Variants in HTR3B observed in about 807,000 individuals in gnomAD.
The protein encoded by HTR3B is 5-hydroxytryptamine receptor 3B, also known as 5-hydroxytryptamine (serotonin) receptor 3B, ionotropic.
In HTR3B, 44 loss-of-function variants were observed where a neutral mutation model predicts 42.8. That is an observed-to-expected ratio of 1.03 (90% CI 0.81 to 1.32). The LOEUF (loss-of-function observed/expected upper bound fraction) is 1.32, where lower values mean the gene tolerates loss of function less well. HTR3B is among the 40% of genes most tolerant of loss of function. HTR3B has a pLI of 0.00. For synonymous variants in HTR3B, 203 were observed against 209.0 expected, an observed-to-expected ratio of 0.97 and a Z score of 0.25; for missense variants, 527 against 536.5, an observed-to-expected ratio of 0.98 and a Z score of 0.17.
Position 113,946,128 on chromosome 11 carries a change from C to T in HTR3B, c.1317C>T (p.Gly439=), listed in dbSNP as rs151164355. Residue 439 remains glycine (G), a synonymous_variant, in exon 9 of 9, where the codon GGC becomes GGT. Coordinates refer to ENST00000260191, the MANE Select transcript of HTR3B (RefSeq NM_006028.5). ...TGTGCTCCCTCTGGGCACTGTGGGG[C>T]GGCGTGTGAAGACTGAAGTGTTCTT... The part of the protein sequence containing the change: ...ITLCSLWALW[G]GV The T allele has an allele frequency of 7.4e-4, 1,188 of 1,611,234 alleles. 14 individuals carry two copies. In the South Asian group the frequency reaches 0.012, roughly 16 times the overall value.
chr11:113,940,250 T>C (rs1303278718), intron 6 of HTR3B, among the ~76,000 whole-genome samples: 5 of 152,164 alleles, frequency 3.3e-5, no homozygotes, highest in Non-Finnish European at 5.9e-5. Flanking sequence ...GTACTTTGCT[T>C]ATGTTTTTCT....
chr11:113,918,268 C>CATGT (rs1555108081), intron 2 of HTR3B, among the ~76,000 whole-genome samples: 2 of 146,870 alleles, frequency 1.4e-5, no homozygotes, highest in African/African-American at 2.5e-5. Flanking sequence ...TGTGTGTACT[C>CATGT]GTGTGTGTGT....
intron 6 of HTR3B, among the ~76,000 whole-genome samples, chr11:113,936,538 A>G (rs1364680589): frequency 1.3e-5 from 2 of 152,162 alleles, no homozygotes; most frequent in Admixed American, 1.3e-4. Context: ...AAGTGCTAGC[A>G]GATCATATGA....
chr11:113,931,944 C>T (rs963327624), intron 4 of HTR3B, 77 bp downstream of exon 4: 5 of 854,462 alleles, frequency 5.9e-6, no homozygotes, highest in Non-Finnish European at 1.0e-5. Flanking sequence ...TACTTTCAGT[C>T]AGTGTTGCTC....
chr11:113,926,589 C>T (rs749581219), intron 2 of HTR3B, among the ~76,000 whole-genome samples: 2 of 150,502 alleles, frequency 1.3e-5, no homozygotes, highest in Non-Finnish European at 2.9e-5. Context: ...AATGCAGTGG[C>T]ACGATCTTGG....
At chr11:113,926,368 C>T (rs930854439) in intron 2 of HTR3B, among the ~76,000 whole-genome samples, 1 of 151,888 alleles carries the variant, frequency 6.6e-6, no homozygotes, top group Non-Finnish European at 1.5e-5. Flanking sequence ...CTTCAGTTCT[C>T]GTGGTTATAT....
At chr11:113,929,891 C>T (rs1226348046) in intron 2 of HTR3B, among the ~76,000 whole-genome samples, 1 of 152,120 alleles carries the variant, frequency 6.6e-6, no homozygotes, top group Non-Finnish European at 1.5e-5. Context: ...CACGACCACG[C>T]CCGGCTAATT....
At chr11:113,919,690 T>C (rs549109698) in intron 2 of HTR3B, among the ~76,000 whole-genome samples, 14 of 151,838 alleles carry the variant, frequency 9.2e-5, no homozygotes, top group Non-Finnish European at 1.5e-4. Context: ...TAGCCGGGCA[T>C]GGTGGCACAT....
chr11:113,903,728 T>TAA (rs1949712815), upstream of HTR3B, among the ~76,000 whole-genome samples: 2 of 152,310 alleles, frequency 1.3e-5, no homozygotes, highest in South Asian at 4.1e-4. Context: ...ACGCCCAGCT[T>TAA]ATTTGCAATT....
intron 6 of HTR3B, among the ~76,000 whole-genome samples, chr11:113,938,659 CA>C (rs1276041688): frequency 2.0e-5 from 3 of 152,012 alleles, no homozygotes; most frequent in African/African-American, 7.2e-5. Context: ...ATAATAAAAA[CA>C]AAAAATTTCT....
chr11:113,936,493 A>C (rs1186063334), intron 6 of HTR3B, among the ~76,000 whole-genome samples: 1 of 152,104 alleles, frequency 6.6e-6, no homozygotes, highest in Non-Finnish European at 1.5e-5. Context: ...TATTGAATGC[A>C]GCTTATAAAC....
In HTR3B at chr11:113,946,079, T is replaced by G; in HGVS notation, c.1268T>G (p.Met423Arg). The change falls in exon 9 of 9, where the codon ATG becomes AGG. Residue 423 changes from methionine to arginine, a missense_variant. Transcript: ENST00000260191. ...DRLLFQSYLFMLGIYTITLCS... is the reference protein window; with the variant it reads ...DRLLFQSYLFRLGIYTITLCS... ...CTGCTCTTCCAAAGCTACCTTTTCA[T>G]GCTGGGGATCTACACCATCACTCTG... 6.3e-7 allele frequency: 1 copy of G among 1,575,324 alleles called. No homozygotes were observed. Among genetic ancestry groups the G allele is most frequent in the Non-Finnish European group, 8.6e-7 (1 of 1,160,286 alleles).
In HTR3B at chr11:113,904,970, A is replaced by C. The variant is rs1198552971; in HGVS notation, c.37A>C (p.Ile13Leu). The C allele has an allele frequency of 5.6e-6, 9 of 1,613,074 alleles. No homozygotes were observed. The South Asian group carries it at 8.8e-5, about 16-fold the overall frequency. ...TGTAATGGCTCCCCTGTGGGCCTGC[A>C]TCCTGGTGGCTGCAGGTGAGTCCTT... is the stretch of plus-strand genomic sequence containing the variant. ...SSVMAPLWAC[I>L]LVAAGILATD... Residue 13 changes from isoleucine to leucine, a missense_variant, in exon 1 of 9, where the codon ATC (isoleucine) becomes CTC (leucine). Ile to Leu is a conservative substitution (Grantham distance 5). Coordinates refer to ENST00000260191, the MANE Select transcript of HTR3B (RefSeq NM_006028.5).
At chr11:113,929,088 C>G (rs1295690965) in intron 2 of HTR3B, among the ~76,000 whole-genome samples, 3 of 152,140 alleles carry the variant, frequency 2.0e-5, no homozygotes, top group African/African-American at 7.2e-5. Flanking sequence ...AAGAAAGTGC[C>G]ATACTGTTTT....
At position 113,937,789 on chromosome 11, in the gene HTR3B, T is replaced by A. The variant is rs540347181; in HGVS notation, c.696+4696T>A. 3.3e-5 allele frequency among the ~76,000 whole-genome samples: 5 copies of A among 152,366 alleles called. No homozygotes were observed. In the East Asian group the frequency reaches 9.6e-4, roughly 29 times the overall value. On this transcript the variant is annotated intron_variant, in intron 6 of 8. Transcript: ENST00000260191. ...TTCTTTGCCATTTGCCCACTGGGCA[T>A]TACTTGGCAGGTCGCGTGTATTAGT... is the stretch of plus-strand genomic sequence containing the variant.
At chr11:113,944,317 C>T (rs772395833) in intron 7 of HTR3B, among the ~76,000 whole-genome samples, 3 of 152,020 alleles carry the variant, frequency 2.0e-5, no homozygotes, top group Non-Finnish European at 4.4e-5. Flanking sequence ...CAAGTCCGGC[C>T]GTGAGGCCTT....
rs549691939 is a variant in HTR3B at position 113,947,728 on chromosome 11, A to G, written c.*1591A>G. 2.5e-4 allele frequency among the ~76,000 whole-genome samples: 38 copies of G among 152,250 alleles called. No homozygotes were observed. The highest frequency in any genetic ancestry group is 2.3e-3 in the Admixed American group (35 of 15,286). On this transcript the variant is annotated 3_prime_UTR_variant, in exon 9 of 9. Transcript: ENST00000260191. ...TTCAAGGCCCTATGTTCAAACAGTC[A>G]TATTCTGAGTACTAGGGGTTAGGAT...
Position 113,943,065 on chromosome 11 carries a change from C to A in HTR3B, c.780C>A (p.Ser260Arg). ...SIFLMLVDLGSFYLPPNCRAR... is the reference protein window; with the variant it reads ...SIFLMLVDLGRFYLPPNCRAR... The stretch of plus-strand genomic sequence containing the variant: ...TTCTCATGCTGGTGGACCTGGGGAG[C>A]TTCTACCTGCCACCCAACTGCCGAG... The change falls in exon 7 of 9, where the codon AGC (serine) becomes AGA (arginine). Residue 260 changes from serine (S) to arginine (R), a missense_variant. Coordinates refer to ENST00000260191, the MANE Select transcript of HTR3B (RefSeq NM_006028.5). 1 of 1,614,076 alleles carries A rather than the reference C, an allele frequency of 6.2e-7. No homozygotes were observed. The highest frequency in any genetic ancestry group is 2.2e-5 in the East Asian group (1 of 44,854).
intron 8 of HTR3B, among the ~76,000 whole-genome samples, chr11:113,945,173 C>T (rs1229912295): frequency 2.6e-5 from 4 of 152,148 alleles, no homozygotes; most frequent in East Asian, 1.9e-4. Flanking sequence ...CTCGCTCTGT[C>T]GCCCAGGCTT....
Sources: allele counts gnomAD v4.1 joint callset (sites outside exome capture counted in the v4.1 genomes callset), GRCh38; gene constraint gnomAD v4.1.1; transcripts MANE v1.5; gene names NCBI Gene and HGNC (gene_info 2026-07-23, HGNC 2026-07-21).